Variants in TSHZ2 observed in about 807,000 individuals in gnomAD.
TSHZ2 encodes the protein teashirt zinc finger homeobox 2.
A neutral mutation model predicts 74.4 loss-of-function variants in TSHZ2; 21 were observed. The ratio of observed to expected loss-of-function variants is 0.28; its 90% CI spans 0.20 to 0.41. TSHZ2 has a LOEUF of 0.41. TSHZ2 is among the 10% of genes least tolerant of loss of function. The pLI, the probability that TSHZ2 is intolerant of heterozygous loss-of-function variation, is 1.00. For synonymous variants in TSHZ2, 540 were observed against 515.3 expected (o/e 1.05, Z -0.65); for missense variants, 1,244 against 1,293.5 (o/e 0.96, Z 0.59).
At chr20:53,117,154 T>C (rs1986693234) in intron 1 of TSHZ2, among the ~76,000 whole-genome samples, 1 of 152,148 alleles carries the variant, frequency 6.6e-6, no homozygotes, top group Admixed American at 6.5e-5. Flanking sequence ...AAAGCCCCTA[T>C]CTCTTAATAC....
intron 2 of TSHZ2, among the ~76,000 whole-genome samples, chr20:53,373,175 G>A (rs1442071092): frequency 3.9e-5 from 6 of 152,142 alleles, no homozygotes; most frequent in Admixed American, 2.6e-4. Context: ...AGATAATGAC[G>A]CAATTAGAGT....
At chr20:53,000,226 G>T (rs1311751287) in intron 1 of TSHZ2, among the ~76,000 whole-genome samples, 1 of 152,174 alleles carries the variant, frequency 6.6e-6, no homozygotes, top group Non-Finnish European at 1.5e-5. Flanking sequence ...ATTTTTTAAT[G>T]ATTGGGAGGA....
chr20:53,472,855 G>A (rs1161403507), intron 2 of TSHZ2, among the ~76,000 whole-genome samples: 2 of 152,068 alleles, frequency 1.3e-5, no homozygotes, highest in African/African-American at 4.8e-5. Flanking sequence ...GAAGCGCAAG[G>A]GGTCAGGGAG....
At chr20:53,429,448 C>G (rs1434773474) in intron 2 of TSHZ2, among the ~76,000 whole-genome samples, 1 of 152,158 alleles carries the variant, frequency 6.6e-6, no homozygotes, top group Non-Finnish European at 1.5e-5. Context: ...GTGCTGTTCT[C>G]GTGATAGTGA....
At chr20:53,398,982 C>T (rs1027230723) in intron 2 of TSHZ2, 3 of 152,186 alleles carry the variant, frequency 2.0e-5, no homozygotes, top group Non-Finnish European at 4.4e-5. Flanking sequence ...ATGTGTTATG[C>T]TGTGTTCATT....
At chr20:53,319,550 C>A (rs1240831002) in intron 2 of TSHZ2, among the ~76,000 whole-genome samples, 4 of 152,206 alleles carry the variant, frequency 2.6e-5, no homozygotes, top group African/African-American at 9.7e-5. Flanking sequence ...ACCCAGGAAG[C>A]CCCCTCTGAG....
rs1302703428 is a variant in TSHZ2, at chr20:53,416,168, G to A, written c.*9-70976G>A. Among the ~76,000 whole-genome samples the A allele has an allele frequency of 2.0e-5, 3 of 152,186 alleles. No individual in the cohort carries two copies. The East Asian group carries it at 5.8e-4, about 29-fold the overall frequency. ...CTGCCATGCTGGGCAACTACAGCAA[G>A]GATTAGAGGGAGATGAGAGAGAAAG... is the stretch of plus-strand genomic sequence containing the variant. On this transcript the variant is annotated intron_variant, in intron 2 of 2. Transcript: ENST00000371497.
At chr20:53,217,046 C>A (rs1244987751) in intron 1 of TSHZ2, among the ~76,000 whole-genome samples, 1 of 152,148 alleles carries the variant, frequency 6.6e-6, no homozygotes, top group African/African-American at 2.4e-5. Flanking sequence ...TGTCAGGCTG[C>A]GGCATTAGAA....
chr20:53,082,393 T>C (rs1339045482), intron 1 of TSHZ2, among the ~76,000 whole-genome samples: 1 of 152,202 alleles, frequency 6.6e-6, no homozygotes, highest in Non-Finnish European at 1.5e-5. Context: ...TGGAGCCTCT[T>C]ATCTTTCTCA....
intron 2 of TSHZ2, among the ~76,000 whole-genome samples, chr20:53,341,841 G>A (rs541131309): frequency 6.6e-6 from 1 of 152,182 alleles, no homozygotes; most frequent in Admixed American, 6.5e-5. Context: ...CTCCCAAGTA[G>A]CTGGGATTAC....
intron 1 of TSHZ2, among the ~76,000 whole-genome samples, chr20:53,203,948 A>G (rs1008479129): frequency 6.6e-6 from 1 of 151,840 alleles, no homozygotes; most frequent in Admixed American, 6.6e-5. Context: ...ATATACTGTA[A>G]GTATAAAACA....
At chr20:53,450,013 C>G (rs1293376284) in intron 2 of TSHZ2, among the ~76,000 whole-genome samples, 1 of 152,222 alleles carries the variant, frequency 6.6e-6, no homozygotes, top group Non-Finnish European at 1.5e-5. Context: ...GGGCCTAGGG[C>G]CTGATATGTA....
chr20:53,323,873 C>T (rs923945844), intron 2 of TSHZ2, among the ~76,000 whole-genome samples: 5 of 151,992 alleles, frequency 3.3e-5, no homozygotes, highest in African/African-American at 9.7e-5. Context: ...CCACCATGCC[C>T]GGGCTCCTCG....
At chr20:53,049,057 T>G (rs1394604376) in intron 1 of TSHZ2, among the ~76,000 whole-genome samples, 1 of 152,176 alleles carries the variant, frequency 6.6e-6, no homozygotes, top group Non-Finnish European at 1.5e-5. Context: ...TTCATGAGGT[T>G]GTTGGGAGTA....
chr20:53,217,383 AC>A (rs1989461815), intron 1 of TSHZ2, among the ~76,000 whole-genome samples: 1 of 152,068 alleles, frequency 6.6e-6, no homozygotes, highest in Non-Finnish European at 1.5e-5. Context: ...CATTTTAAAG[AC>A]CAGATAACTG....
intron 2 of TSHZ2, among the ~76,000 whole-genome samples, chr20:53,476,099 A>G (rs1272017932): frequency 7.0e-6 from 1 of 143,766 alleles, no homozygotes; most frequent in Non-Finnish European, 1.5e-5. Flanking sequence ...AACTGGTACC[A>G]TTCCTTCTGG....
At chr20:53,362,611 A>G (rs1276970283) in intron 2 of TSHZ2, among the ~76,000 whole-genome samples, 1 of 152,194 alleles carries the variant, frequency 6.6e-6, no homozygotes, top group Non-Finnish European at 1.5e-5. Flanking sequence ...CATGAAGGCA[A>G]TATTATGAGA....
chr20:53,099,675 A>G (rs1176364563), intron 1 of TSHZ2, among the ~76,000 whole-genome samples: 1 of 152,234 alleles, frequency 6.6e-6, no homozygotes, highest in Non-Finnish European at 1.5e-5. Context: ...CTTACATGGC[A>G]GCCGGCAAGA....
intron 2 of TSHZ2, among the ~76,000 whole-genome samples, chr20:53,362,342 G>A (rs867632341): frequency 2.0e-5 from 3 of 151,768 alleles, no homozygotes; most frequent in Non-Finnish European, 2.9e-5. Context: ...CCGCCACCAC[G>A]CCTGACTAAT....
Sources: gnomAD v4.1 joint callset for allele counts (sites outside exome capture counted in the v4.1 genomes callset) on GRCh38, gnomAD v4.1.1 for gene constraint, MANE v1.5 for transcripts, NCBI Gene and HGNC (gene_info 2026-07-23, HGNC 2026-07-21) for gene names.